THADA: variants seen among roughly 807,000 people sequenced by gnomAD.
The protein encoded by THADA is tRNA (32-2'-O)-methyltransferase regulator THADA.
In THADA, 213 loss-of-function variants were observed where a neutral mutation model predicts 219.8. The ratio of observed to expected loss-of-function variants is 0.97; its 90% confidence interval spans 0.87 to 1.09. The LOEUF is 1.09. THADA is among the 50% of genes least tolerant of loss of function. The pLI is 0.00. For missense variants in THADA, 2,956 were observed against 2,311.3 expected (o/e 1.28, Z -5.72); for synonymous variants, 1,018 against 828.9 (o/e 1.23, Z -3.92).
At chr2:43,440,355 G>C (rs1057048889) in intron 26 of THADA, among the ~76,000 whole-genome samples, 24 of 151,986 alleles carry the variant, frequency 1.6e-4, no homozygotes, top group African/African-American at 5.5e-4. Context: ...CAAGCCTTTT[G>C]GTTATTGCTA....
intron 36 of THADA, among the ~76,000 whole-genome samples, chr2:43,276,360 G>C (rs1004112536): frequency 6.6e-6 from 1 of 152,186 alleles, no homozygotes; most frequent in Admixed American, 6.5e-5. Context: ...GTGGGCTGCA[G>C]CATGTGCAGG....
At position 43,545,685 on chromosome 2, in the gene THADA, T is replaced by C. The variant is rs1469005251; in HGVS notation, c.3106+3525A>G. ...TAGAAGTGTTTGTAGTATTCTCTGA[T>C]GGTAGTTTGTATTTCTGTGGGATCG... On this transcript the variant is annotated intron_variant, in intron 20 of 37. Transcript: ENST00000405975. Among the ~76,000 whole-genome samples the C allele has an allele frequency of 1.8e-4, 27 of 152,178 alleles. No individual in the cohort carries two copies. In the East Asian group the frequency reaches 4.8e-3, roughly 27 times the overall value.
At chr2:43,467,573 G>T (rs1684408405) in intron 26 of THADA, among the ~76,000 whole-genome samples, 2 of 152,048 alleles carry the variant, frequency 1.3e-5, no homozygotes, top group African/African-American at 4.8e-5. Context: ...TTTCCCTGTG[G>T]GTAAACTGGT....
intron 28 of THADA, among the ~76,000 whole-genome samples, chr2:43,423,049 T>C (rs1677924637): frequency 6.6e-6 from 1 of 152,216 alleles, no homozygotes; most frequent in South Asian, 2.1e-4. Context: ...ATTTGCCCAA[T>C]GCCCAATTTA....
At chr2:43,275,852 C>T (rs1355079432) in intron 36 of THADA, among the ~76,000 whole-genome samples, 1 of 152,236 alleles carries the variant, frequency 6.6e-6, no homozygotes, top group African/African-American at 2.4e-5. Flanking sequence ...AAGAATCATG[C>T]AAATGCCAGG....
At chr2:43,573,474 G>T (rs149967556) in intron 11 of THADA, among the ~76,000 whole-genome samples, 239 of 152,298 alleles carry the variant, frequency 1.6e-3, no homozygotes, top group African/African-American at 5.6e-3. Context: ...CCATTACCAA[G>T]AAGACAGGGC....
chr2:43,477,716 C>T (rs1484802862), intron 26 of THADA, among the ~76,000 whole-genome samples: 1 of 152,216 alleles, frequency 6.6e-6, no homozygotes. Flanking sequence ...CTGTTTTCCA[C>T]ACTCACTGAT....
chr2:43,320,181 C>T (rs1220697821), intron 31 of THADA, among the ~76,000 whole-genome samples: 1 of 152,132 alleles, frequency 6.6e-6, no homozygotes, highest in Admixed American at 6.5e-5. Context: ...AAGCCGGGGT[C>T]GTAGATGCAG....
rs910352539 is a variant in THADA at position 43,421,888 on chromosome 2, C to T, written c.4058+6212G>A. Among the ~76,000 whole-genome samples, 7 of 152,192 alleles carry T rather than the reference C, an allele frequency of 4.6e-5. No homozygotes were observed. The East Asian group carries it at 1.3e-3, about 29-fold the overall frequency. ...TTGGGCCATGCCAAGAATGGCATCC[C>T]AACTTCTTTTCTTTGAGAGATCGAA... On this transcript the variant is annotated intron_variant, in intron 28 of 37. Coordinates refer to ENST00000405975, the MANE Select transcript of THADA (RefSeq NM_022065.5).
At chr2:43,450,730 A>G (rs1558781090) in intron 26 of THADA, among the ~76,000 whole-genome samples, 1 of 152,244 alleles carries the variant, frequency 6.6e-6, no homozygotes, top group African/African-American at 2.4e-5. Context: ...TGCTGTTTAC[A>G]AGAGACTTGC....
chr2:43,320,250 A>C (rs1262552318), intron 31 of THADA, among the ~76,000 whole-genome samples, 196 bp downstream of exon 31: 3 of 152,246 alleles, frequency 2.0e-5, no homozygotes, highest in Non-Finnish European at 4.4e-5. Context: ...AATAAACGGC[A>C]AACTTCCAAA....
intron 16 of THADA, among the ~76,000 whole-genome samples, chr2:43,557,179 GGTGA>G (rs1305363256): frequency 3.3e-5 from 5 of 152,114 alleles, no homozygotes; most frequent in African/African-American, 1.2e-4. Flanking sequence ...CCTGAATATA[GGTGA>G]GTTTTTTATT....
intron 29 of THADA, among the ~76,000 whole-genome samples, chr2:43,385,120 G>A (rs779919689): frequency 7.3e-5 from 11 of 151,478 alleles, no homozygotes; most frequent in Non-Finnish European, 8.8e-5. Flanking sequence ...TAGCCCGGGC[G>A]ACAAAGTGAG....
At chr2:43,274,417 A>G (rs1197007294) in intron 36 of THADA, among the ~76,000 whole-genome samples, 1 of 152,194 alleles carries the variant, frequency 6.6e-6, no homozygotes, top group Non-Finnish European at 1.5e-5. Context: ...CCACCTGACT[A>G]TGGTGAAAAA....
intron 29 of THADA, among the ~76,000 whole-genome samples, chr2:43,365,501 G>A (rs899176015): frequency 6.6e-6 from 1 of 151,780 alleles, no homozygotes; most frequent in Non-Finnish European, 1.5e-5. Context: ...AACCTGGGAG[G>A]TGGAGGCTGC....
intron 29 of THADA, among the ~76,000 whole-genome samples, chr2:43,357,210 G>C (rs1429515864): frequency 1.3e-5 from 2 of 152,048 alleles, no homozygotes; most frequent in African/African-American, 4.8e-5. Flanking sequence ...TTTCATTAGT[G>C]TTTGATGAAG....
At chr2:43,429,793 C>A (rs888626805) in intron 27 of THADA, among the ~76,000 whole-genome samples, 1 of 151,682 alleles carries the variant, frequency 6.6e-6, no homozygotes, top group African/African-American at 2.4e-5. Context: ...CATAACTTTT[C>A]AGGTACAAAT....
chr2:43,495,132 A>G (rs770287270), intron 25 of THADA, among the ~76,000 whole-genome samples: 1 of 152,188 alleles, frequency 6.6e-6, no homozygotes, highest in Non-Finnish European at 1.5e-5. Flanking sequence ...ACTTCAACAG[A>G]GAATGCTTTT....
rs115513288 is a variant in THADA, at chr2:43,427,109, G to T, written c.4058+991C>A. ...ATGGCTTTTTTCAGGTACTACAAAC[G>T]TAAAAGAGAAGACGAGTGGGAATTC... On this transcript the variant is annotated intron_variant, in intron 28 of 37. Transcript: ENST00000405975. Among the ~76,000 whole-genome samples the T allele has an allele frequency of 2.9e-3, 439 of 152,204 alleles. 3 individuals are homozygous for T. Among genetic ancestry groups the T allele is most frequent in the African/African-American group, 0.01 (423 of 41,516 alleles).
Sources: gnomAD v4.1 joint callset for allele counts (sites outside exome capture counted in the v4.1 genomes callset) on GRCh38, gnomAD v4.1.1 for gene constraint, MANE v1.5 for transcripts, NCBI Gene and HGNC (gene_info 2026-07-23, HGNC 2026-07-21) for gene names.